The following COMMD1 variants were observed in gnomAD, a reference collection of about 807,000 sequenced individuals.
COMMD1 encodes copper metabolism domain containing 1, also known as COMM domain-containing protein 1.
Under a neutral mutation model 17.2 loss-of-function variants are expected in COMMD1, and 10 were observed. That is an observed-to-expected ratio of 0.58 (90% CI 0.36 to 0.99). The LOEUF is 0.99. Ranked by LOEUF, COMMD1 falls within the 50% of genes least tolerant of loss-of-function variation. The probability of loss-of-function intolerance (pLI) is 0.01; values close to 1 mark genes in which losing one functional copy is unlikely to be tolerated. For synonymous variants in COMMD1, 97 were observed against 91.6 expected (o/e 1.06, Z -0.34); for missense variants, 270 against 231.8 (o/e 1.17, Z -1.07).
intron 2 of COMMD1, among the ~76,000 whole-genome samples, chr2:62,094,595 G>C (rs1444790532): frequency 2.6e-5 from 4 of 152,108 alleles, no homozygotes; most frequent in Non-Finnish European, 2.9e-5. Context: ...CACAGCATTA[G>C]GTTTTTTATT....
chr2:62,098,212 A>G (rs1672069080), intron 2 of COMMD1, among the ~76,000 whole-genome samples: 1 of 145,542 alleles, frequency 6.9e-6, no homozygotes, highest in East Asian at 2.0e-4. Flanking sequence ...GCTGGAGTGC[A>G]ATGGCGCGAT....
rs10679710 is a variant in COMMD1, at chr2:61,957,087, CGTGTGTGTGTGTGTGT to C, written c.181-43595_181-43580del. Among the ~76,000 whole-genome samples the C allele has an allele frequency of 5.8e-3, 855 of 146,902 alleles. 7 individuals are homozygous for C. The highest frequency in any genetic ancestry group is 0.02 in the African/African-American group (820 of 40,016). ...AGTTTTAATTGAAGGAAGATGGATGCGTGTGTGTGTGTGTGTGTGTGTGTGTGTGTGTGTAAAATCT... is the reference window on the plus strand; with the variant it reads ...AGTTTTAATTGAAGGAAGATGGATGCGTGTGTGTGTGTGTGTGTAAAATCT... On this transcript the variant is annotated intron_variant, in intron 1 of 2. Coordinates refer to ENST00000311832, the MANE Select transcript of COMMD1 (RefSeq NM_152516.4).
intron 1 of COMMD1, among the ~76,000 whole-genome samples, chr2:61,996,313 A>ACT (rs1553377133): frequency 3.0e-4 from 26 of 87,132 alleles, no homozygotes; most frequent in African/African-American, 1.1e-3. Context: ...TTGTTTTCTA[A>ACT]ATGTGTGTGT....
chr2:62,040,706 C>A (rs1341499356), intron 2 of COMMD1, among the ~76,000 whole-genome samples: 1 of 151,882 alleles, frequency 6.6e-6, no homozygotes, highest in Admixed American at 6.6e-5. Flanking sequence ...TTCTTTGCCC[C>A]CTTCCCCCCT....
chr2:61,905,711 C>G lies in COMMD1; in HGVS notation c.33C>G (p.Pro11=), dbSNP rs764293302. 9 of 1,601,016 alleles carry G rather than the reference C, an allele frequency of 5.6e-6. No individual in the cohort carries two copies. The highest frequency in any genetic ancestry group is 6.0e-6 in the Non-Finnish European group (7 of 1,173,386). Residue 11 remains proline, a synonymous_variant, in exon 1 of 3, where the codon CCC becomes CCG. Coordinates refer to ENST00000311832, the MANE Select transcript of COMMD1 (RefSeq NM_152516.4). ...CGGGCGAGCTTGAGGGTGGCAAACC[C>G]CTGAGCGGGCTGCTGAATGCGCTGG... MAAGELEGGK[P]LSGLLNALAQ...
chr2:61,977,883 GGAGGCTGAGGCTCAA>G (rs1481867428), intron 1 of COMMD1, among the ~76,000 whole-genome samples: 4 of 151,822 alleles, frequency 2.6e-5, no homozygotes, highest in Non-Finnish European at 5.9e-5. Context: ...CGGCTACTAA[GGAGGCTGAGGCTCAA>G]GAGTTGCTTG....
chr2:62,088,082 A>T (rs1671720252), intron 2 of COMMD1, among the ~76,000 whole-genome samples: 2 of 151,898 alleles, frequency 1.3e-5, no homozygotes. Flanking sequence ...TGAAACTTTG[A>T]CCTCTCCTTC....
At chr2:62,060,925 A>G (rs747259844) in intron 2 of COMMD1, among the ~76,000 whole-genome samples, 14 of 151,842 alleles carry the variant, frequency 9.2e-5, no homozygotes, top group Non-Finnish European at 1.9e-4. Context: ...CTCTTTTCAA[A>G]CTGGATAATT....
intron 2 of COMMD1, among the ~76,000 whole-genome samples, chr2:62,132,095 G>T (rs936368115): frequency 1.3e-5 from 2 of 150,796 alleles, no homozygotes; most frequent in African/African-American, 4.9e-5. Context: ...CACCATGTTG[G>T]TCAGGCTAGT....
intron 1 of COMMD1, among the ~76,000 whole-genome samples, chr2:61,972,100 A>G (rs1671665939): frequency 6.6e-6 from 1 of 152,154 alleles, no homozygotes; most frequent in African/African-American, 2.4e-5. Context: ...AGCCTGGGTG[A>G]CAGAACAAGA....
At chr2:61,943,883 A>G (rs1339485920) in intron 1 of COMMD1, among the ~76,000 whole-genome samples, 1 of 152,114 alleles carries the variant, frequency 6.6e-6, no homozygotes, top group Non-Finnish European at 1.5e-5. Context: ...TCCTGTATGC[A>G]TTTCCTGGAC....
intron 2 of COMMD1, among the ~76,000 whole-genome samples, chr2:62,078,747 C>T (rs1357761966): frequency 6.6e-6 from 1 of 151,162 alleles, no homozygotes; most frequent in Non-Finnish European, 1.5e-5. Context: ...CATGGTGGCA[C>T]ATGCCTGTAA....
At chr2:61,929,304 T>G (rs1440443711) in intron 1 of COMMD1, among the ~76,000 whole-genome samples, 1 of 152,204 alleles carries the variant, frequency 6.6e-6, no homozygotes, top group Non-Finnish European at 1.5e-5. Flanking sequence ...AGCATGGGCC[T>G]CCTCTTCTTT....
chr2:62,013,646 G>T (rs1448205141), intron 2 of COMMD1, among the ~76,000 whole-genome samples: 1 of 152,208 alleles, frequency 6.6e-6, no homozygotes, highest in East Asian at 1.9e-4. Flanking sequence ...AGCAGGTAGA[G>T]TGTAGGTTTT....
intron 2 of COMMD1, among the ~76,000 whole-genome samples, chr2:62,077,029 G>T (rs1671355757): frequency 6.6e-6 from 1 of 152,168 alleles, no homozygotes; most frequent in South Asian, 2.1e-4. Flanking sequence ...TACTTGGGAG[G>T]CTGAGGTGGC....
intron 1 of COMMD1, among the ~76,000 whole-genome samples, chr2:61,997,516 G>C (rs1041928404): frequency 2.6e-5 from 4 of 152,160 alleles, no homozygotes; most frequent in African/African-American, 9.7e-5. Flanking sequence ...CATTGTTAGT[G>C]AGTAGTAATA....
At chr2:62,069,611 G>T (rs767336222) in intron 2 of COMMD1, 2 of 152,158 alleles carry the variant, frequency 1.3e-5, no homozygotes, top group African/African-American at 4.8e-5. Context: ...GTAACAATAC[G>T]TATTTCTGGG....
chr2:61,921,438 T>C (rs1670194536), intron 1 of COMMD1, among the ~76,000 whole-genome samples: 1 of 152,082 alleles, frequency 6.6e-6, no homozygotes, highest in African/African-American at 2.4e-5. Context: ...CCCAGTATTA[T>C]TTTGTTTTTG....
At chr2:61,933,450 T>G (rs981535499) in intron 1 of COMMD1, among the ~76,000 whole-genome samples, 32 of 151,928 alleles carry the variant, frequency 2.1e-4, no homozygotes, top group African/African-American at 7.0e-4. Context: ...GTCAGCTGTT[T>G]TCACTTAGTG....
Sources: allele counts gnomAD v4.1 joint callset (sites outside exome capture counted in the v4.1 genomes callset), GRCh38; gene constraint gnomAD v4.1.1; transcripts MANE v1.5; gene names NCBI Gene and HGNC (gene_info 2026-07-23, HGNC 2026-07-21).